The following OPCML variants were observed in gnomAD, a reference collection of about 807,000 sequenced individuals.
The protein encoded by OPCML is opioid-binding protein/cell adhesion molecule.
OPCML carries 13 observed loss-of-function variants against 37.8 expected under a neutral mutation model. The observed-to-expected ratio is 0.34, with a 90% CI of 0.22 to 0.55. OPCML has a LOEUF of 0.55. OPCML is among the 20% of genes least tolerant of loss of function. OPCML has a pLI of 0.91. For missense variants in OPCML, 341 were observed against 435.6 expected, an observed-to-expected ratio of 0.78 and a Z score of 1.93; for synonymous variants, 176 against 168.8, an observed-to-expected ratio of 1.04 and a Z score of -0.33.
chr11:133,483,470 A>G (rs1947428079), intron 1 of OPCML, among the ~76,000 whole-genome samples: 1 of 152,036 alleles, frequency 6.6e-6, no homozygotes, highest in South Asian at 2.1e-4. Flanking sequence ...AAAAAGAGAG[A>G]CAGTCTTCTA....
At chr11:133,421,430 T>C in intron 1 of OPCML, 1 of 985,436 alleles carries the variant, frequency 1.0e-6, no homozygotes, top group Non-Finnish European at 1.2e-6. Flanking sequence ...TGTTTCTCAC[T>C]AGTTGCTCTT....
At chr11:132,510,907 A>G (rs914757423) in intron 4 of OPCML, among the ~76,000 whole-genome samples, 2 of 152,218 alleles carry the variant, frequency 1.3e-5, no homozygotes, top group African/African-American at 4.8e-5. Context: ...TCCTCTAATC[A>G]GAAATTAGAC....
intron 1 of OPCML, among the ~76,000 whole-genome samples, chr11:132,960,243 G>A (rs1946063244): frequency 6.6e-6 from 1 of 152,150 alleles, no homozygotes; most frequent in Admixed American, 6.5e-5. Flanking sequence ...AGAAAACTGA[G>A]GCCCAAGATA....
rs563400537 is a variant in OPCML at position 133,458,226 on chromosome 11, AC to A, written c.61+74037del. ...CGTGTGTGTATATATACACATATAT[AC>A]ACGTGTGTGTATATATACACATATA... On this transcript the variant is annotated intron_variant, in intron 1 of 7. Transcript: ENST00000524381. 2.3e-4 allele frequency among the ~76,000 whole-genome samples: 30 copies of A among 130,422 alleles called. 1 individual carries two copies. The South Asian group carries it at 6.3e-3, about 27-fold the overall frequency. The allele number at this position is 130,422 out of a possible 152,430, so 85.6% of individuals were successfully genotyped here.
chr11:133,427,055 C>G (rs555690866), intron 1 of OPCML, among the ~76,000 whole-genome samples: 143 of 152,206 alleles, frequency 9.4e-4, no homozygotes, highest in African/African-American at 3.3e-3. Context: ...CTTTAACATC[C>G]TCAAATATAA....
chr11:132,774,756 C>G (rs1314066030), intron 2 of OPCML, among the ~76,000 whole-genome samples: 2 of 152,212 alleles, frequency 1.3e-5, no homozygotes, highest in African/African-American at 2.4e-5. Context: ...CCCATCAAGA[C>G]AGCGACTGCC....
rs919530700 is a variant in OPCML, at chr11:132,851,728, C to G, written c.146+91198G>C. Among the ~76,000 whole-genome samples the G allele has an allele frequency of 2.6e-5, 4 of 152,074 alleles. No individual in the cohort carries two copies. The East Asian group carries it at 5.8e-4, about 22-fold the overall frequency. On this transcript the variant is annotated intron_variant, in intron 2 of 7. Coordinates refer to ENST00000524381, the MANE Select transcript of OPCML (RefSeq NM_001012393.5). ...CTATATGTGGGTACTATGATTTTCCCCAATTTATAGAAGAGAAGACTGAGA... is the reference window on the plus strand; with the variant it reads ...CTATATGTGGGTACTATGATTTTCCGCAATTTATAGAAGAGAAGACTGAGA...
intron 1 of OPCML, among the ~76,000 whole-genome samples, chr11:133,469,258 T>G (rs556138956): frequency 6.6e-6 from 1 of 152,360 alleles, no homozygotes; most frequent in South Asian, 2.1e-4. Flanking sequence ...CATAATATTA[T>G]AATATGGTAT....
At chr11:132,539,890 G>T (rs1379551922) in intron 3 of OPCML, among the ~76,000 whole-genome samples, 2 of 152,040 alleles carry the variant, frequency 1.3e-5, no homozygotes, top group African/African-American at 4.8e-5. Flanking sequence ...GATGATGGTG[G>T]TGGTGATGGT....
At chr11:133,362,575 ATC>A (rs1944447323) in intron 1 of OPCML, among the ~76,000 whole-genome samples, 1 of 152,192 alleles carries the variant, frequency 6.6e-6, no homozygotes, top group African/African-American at 2.4e-5. Flanking sequence ...GGAAGATTCC[ATC>A]TCTCTCTGAT....
intron 1 of OPCML, among the ~76,000 whole-genome samples, chr11:133,398,807 C>T (rs1272139056): frequency 1.3e-5 from 2 of 152,184 alleles, no homozygotes; most frequent in East Asian, 1.9e-4. Context: ...AAACACCAAC[C>T]AATGCTTTTT....
intron 1 of OPCML, among the ~76,000 whole-genome samples, chr11:133,321,128 G>T (rs919112204): frequency 6.6e-6 from 1 of 152,056 alleles, no homozygotes; most frequent in Non-Finnish European, 1.5e-5. Context: ...AATAAAACAT[G>T]CCGTATTTGG....
chr11:132,765,237 T>C (rs1444919639), intron 2 of OPCML, among the ~76,000 whole-genome samples: 1 of 152,206 alleles, frequency 6.6e-6, no homozygotes, highest in African/African-American at 2.4e-5. Context: ...CTGTTCTTAG[T>C]TGCCACAGGG....
chr11:132,919,784 C>T (rs1301599737), intron 2 of OPCML, among the ~76,000 whole-genome samples: 1 of 152,090 alleles, frequency 6.6e-6, no homozygotes, highest in African/African-American at 2.4e-5. Context: ...ACCCACAGTG[C>T]CTAAAAAATG....
intron 1 of OPCML, among the ~76,000 whole-genome samples, chr11:133,329,442 G>A (rs1000642731): frequency 3.3e-5 from 5 of 152,120 alleles, no homozygotes; most frequent in Non-Finnish European, 2.9e-5. Context: ...TATACTATGA[G>A]GCTACAGTAA....
In OPCML at chr11:132,657,107, C is replaced by T. The variant is rs754769976; in HGVS notation, c.359G>A (p.Arg120Gln). Residue 120 changes from arginine to glutamine, a missense_variant, in exon 3 of 8, where the codon CGG becomes CAG. Physicochemically the swap from Arg to Gln is conservative, Grantham distance 43. Transcript: ENST00000524381. ...CTTACCTTGCACTATTAGGTGAACCCGGGACGTTTTGGGATGATTGTCTGT... is the reference window on the plus strand; with the variant it reads ...CTTACCTTGCACTATTAGGTGAACCTGGGACGTTTTGGGATGATTGTCTGT... ...VQTDNHPKTS[R>Q]VHLIVQVPPQ... The T allele has an allele frequency of 1.1e-5, 17 of 1,614,050 alleles. No individual in the cohort carries two copies. Among genetic ancestry groups the T allele is most frequent in the East Asian group, 4.5e-5 (2 of 44,894 alleles).
intron 1 of OPCML, among the ~76,000 whole-genome samples, chr11:133,449,853 A>G (rs1192204986): frequency 6.6e-6 from 1 of 151,740 alleles, no homozygotes; most frequent in African/African-American, 2.4e-5. Context: ...GGGGGCCACA[A>G]TTCAACCACT....
intron 2 of OPCML, among the ~76,000 whole-genome samples, chr11:132,849,079 C>T (rs769409547): frequency 2.0e-5 from 3 of 152,168 alleles, no homozygotes; most frequent in Non-Finnish European, 4.4e-5. Flanking sequence ...ACTTCTTAGG[C>T]TTTTGTGCCA....
intron 3 of OPCML, among the ~76,000 whole-genome samples, chr11:132,595,891 C>T (rs1335610110): frequency 6.6e-6 from 1 of 152,192 alleles, no homozygotes; most frequent in Non-Finnish European, 1.5e-5. Context: ...ACAGCATATG[C>T]CTGAATTTGA....
Sources: gnomAD v4.1 joint callset for allele counts (sites outside exome capture counted in the v4.1 genomes callset) on GRCh38, gnomAD v4.1.1 for gene constraint, MANE v1.5 for transcripts, NCBI Gene and HGNC (gene_info 2026-07-23, HGNC 2026-07-21) for gene names.